The following DOCK2 variants were observed in gnomAD, a reference collection of about 807,000 sequenced individuals.
The protein encoded by DOCK2 is dedicator of cytokinesis protein 2.
A neutral mutation model predicts 248.9 loss-of-function variants in DOCK2; 87 were observed. The ratio of observed to expected loss-of-function variants is 0.35; its 90% confidence interval spans 0.29 to 0.42. The LOEUF is 0.42. DOCK2 is among the 10% of genes least tolerant of loss of function. The probability of loss-of-function intolerance (pLI) is 1.00; values close to 1 mark genes in which losing one functional copy is unlikely to be tolerated. For missense variants in DOCK2, 1,747 were observed against 2,300.2 expected, an observed-to-expected ratio of 0.76 and a Z score of 4.92; for synonymous variants, 805 against 821.6, an observed-to-expected ratio of 0.98 and a Z score of 0.35.
At chr5:169,865,770 G>A (rs1771508610) in intron 27 of DOCK2, among the ~76,000 whole-genome samples, 1 of 152,216 alleles carries the variant, frequency 6.6e-6, no homozygotes. Flanking sequence ...TGTTGCATCT[G>A]GGAGACCAAA....
chr5:169,931,455 A>G (rs1437187167), intron 27 of DOCK2, among the ~76,000 whole-genome samples: 1 of 152,188 alleles, frequency 6.6e-6, no homozygotes, highest in Non-Finnish European at 1.5e-5. Context: ...CTTTCCACCT[A>G]TCCAAGTGCA....
At chr5:169,863,745 A>C (rs940701163) in intron 27 of DOCK2, among the ~76,000 whole-genome samples, 3 of 152,230 alleles carry the variant, frequency 2.0e-5, no homozygotes, top group Non-Finnish European at 2.9e-5. Context: ...TTGCATAAGC[A>C]TTTTATGCCC....
intron 1 of DOCK2, among the ~76,000 whole-genome samples, chr5:169,648,225 AG>A (rs1757580019): frequency 6.6e-6 from 1 of 152,080 alleles, no homozygotes; most frequent in Non-Finnish European, 1.5e-5. Context: ...TGTGCACTGT[AG>A]GATGTTTAGC....
intron 30 of DOCK2, among the ~76,000 whole-genome samples, chr5:170,005,239 A>G (rs1410883449): frequency 1.3e-5 from 2 of 152,290 alleles, no homozygotes; most frequent in Non-Finnish European, 2.9e-5. Context: ...TAGTATTCAC[A>G]GTTTCCAGGC....
chr5:169,843,476 C>A (rs1382335298), intron 27 of DOCK2, among the ~76,000 whole-genome samples: 1 of 152,142 alleles, frequency 6.6e-6, no homozygotes, highest in Non-Finnish European at 1.5e-5. Context: ...GAACCAAGAT[C>A]GCGCCACTGC....
intron 26 of DOCK2, among the ~76,000 whole-genome samples, chr5:169,823,521 A>C (rs1768622659): frequency 6.6e-6 from 1 of 152,228 alleles, no homozygotes; most frequent in African/African-American, 2.4e-5. Flanking sequence ...GACAAAAACC[A>C]CATGACTGTC....
intron 27 of DOCK2, among the ~76,000 whole-genome samples, chr5:169,906,745 A>G (rs1348076283): frequency 6.6e-6 from 1 of 152,128 alleles, no homozygotes; most frequent in Non-Finnish European, 1.5e-5. Flanking sequence ...CACAGGGAAG[A>G]CCATTCCTGA....
At chr5:169,846,788 C>T (rs1022948734) in intron 27 of DOCK2, among the ~76,000 whole-genome samples, 15 of 152,028 alleles carry the variant, frequency 9.9e-5, no homozygotes, top group Admixed American at 9.8e-4. Context: ...GATTTTAGTG[C>T]ACCCATCACA....
intron 27 of DOCK2, among the ~76,000 whole-genome samples, chr5:169,955,654 G>A (rs1383249454): frequency 6.6e-6 from 1 of 152,142 alleles, no homozygotes; most frequent in East Asian, 1.9e-4. Context: ...AAGAAGGCAG[G>A]CAAACCTGGT....
At chr5:169,905,833 A>T (rs988617856) in intron 27 of DOCK2, among the ~76,000 whole-genome samples, 7 of 152,250 alleles carry the variant, frequency 4.6e-5, no homozygotes, top group African/African-American at 1.7e-4. Flanking sequence ...TTTGGGGCAG[A>T]TGTAGCAGCC....
In DOCK2 at chr5:169,792,407, A is replaced by G. The variant is rs968888845; in HGVS notation, c.2555-10651A>G. 2.7e-5 allele frequency among the ~76,000 whole-genome samples: 4 copies of G among 150,828 alleles called. No homozygotes were observed. The East Asian group carries it at 7.8e-4, about 29-fold the overall frequency. ...TGTATACATGTATATGTGTATATAT[A>G]TTTTATATATGTATACATGTATATG... is the stretch of plus-strand genomic sequence containing the variant. On this transcript the variant is annotated intron_variant, in intron 25 of 51. Coordinates refer to ENST00000520908, the MANE Select transcript of DOCK2 (RefSeq NM_004946.3).
intron 27 of DOCK2, among the ~76,000 whole-genome samples, chr5:169,897,406 G>A (rs1232333283): frequency 2.0e-5 from 3 of 152,060 alleles, no homozygotes; most frequent in East Asian, 1.9e-4. Context: ...GGAAGGGATG[G>A]TCTCGATCTC....
chr5:170,061,356 G>A (rs760559667), intron 44 of DOCK2, among the ~76,000 whole-genome samples: 22 of 152,316 alleles, frequency 1.4e-4, no homozygotes, highest in African/African-American at 5.1e-4. Context: ...ACAAATACCC[G>A]AGTTGTCTTT....
chr5:170,023,307 T>C (rs2113826040), intron 33 of DOCK2, among the ~76,000 whole-genome samples: 2 of 152,326 alleles, frequency 1.3e-5, no homozygotes, highest in Middle Eastern at 6.8e-3. Context: ...AATTAATTAA[T>C]AGACGGAGAT....
intron 13 of DOCK2, among the ~76,000 whole-genome samples, chr5:169,700,777 A>G (rs1760919502): frequency 6.6e-6 from 1 of 152,140 alleles, no homozygotes; most frequent in Non-Finnish European, 1.5e-5. Context: ...GAAAATCAAA[A>G]TGGAGTCAGC....
At chr5:169,778,424 A>T (rs1437686224) in intron 25 of DOCK2, among the ~76,000 whole-genome samples, 2 of 152,216 alleles carry the variant, frequency 1.3e-5, no homozygotes, top group African/African-American at 2.4e-5. Context: ...AAGAACTGGG[A>T]TGGAGAGGAC....
At chr5:170,062,918 C>G (rs981225399) in intron 44 of DOCK2, among the ~76,000 whole-genome samples, 2 of 152,100 alleles carry the variant, frequency 1.3e-5, no homozygotes, top group Non-Finnish European at 2.9e-5. Context: ...CAAATATTAA[C>G]CCACTGGCAG....
chr5:169,945,447 T>C (rs1776408206), intron 27 of DOCK2, among the ~76,000 whole-genome samples: 1 of 152,228 alleles, frequency 6.6e-6, no homozygotes, highest in Non-Finnish European at 1.5e-5. Context: ...CTAACAAGTG[T>C]TATTAATTGA....
At chr5:169,975,858 A>G (rs1053725664) in intron 27 of DOCK2, among the ~76,000 whole-genome samples, 2 of 152,240 alleles carry the variant, frequency 1.3e-5, no homozygotes, top group Admixed American at 6.5e-5. Flanking sequence ...CTGTATCCCC[A>G]GCATCTAAAA....
Sources: allele counts gnomAD v4.1 joint callset (sites outside exome capture counted in the v4.1 genomes callset), GRCh38; gene constraint gnomAD v4.1.1; transcripts MANE v1.5; gene names NCBI Gene and HGNC (gene_info 2026-07-23, HGNC 2026-07-21).